The following ABCA1 variants were observed in gnomAD, a reference collection of about 807,000 sequenced individuals.
ABCA1 encodes ATP binding cassette subfamily A member 1, also known as phospholipid-transporting ATPase ABCA1.
ABCA1 carries 133 observed loss-of-function variants against 262.5 expected under a neutral mutation model. The ratio of observed to expected loss-of-function variants is 0.51; its 90% CI spans 0.44 to 0.59. ABCA1 has a LOEUF of 0.59. ABCA1 is among the 20% of genes least tolerant of loss of function. The pLI, the probability that ABCA1 is intolerant of heterozygous loss-of-function variation, is 0.00. For synonymous variants in ABCA1, 1,022 were observed against 1,043.5 expected (o/e 0.98, Z 0.40); for missense variants, 2,452 against 2,777.5 (o/e 0.88, Z 2.63).
Position 104,840,520 on chromosome 9 carries a change from C to A in ABCA1, c.814-1G>T, listed in dbSNP as rs1351142476. 2 of 1,610,336 alleles carry A rather than the reference C, an allele frequency of 1.2e-6. No individual in the cohort carries two copies. Among genetic ancestry groups the A allele is most frequent in the Non-Finnish European group, 1.7e-6 (2 of 1,178,738 alleles). ...CACTCCAGCTTCTCATGCTGAACAG[C>A]TGGCGTCAGGGATGGGGACAGAAAG... is the stretch of plus-strand genomic sequence containing the variant. On this transcript the variant is annotated splice_acceptor_variant, in intron 8 of 49. Transcript: ENST00000374736. LOFTEE classifies it high-confidence loss of function.
At position 104,784,447 on chromosome 9, in the gene ABCA1, C is replaced by A. The variant is rs374793716; in HGVS notation, c.6654G>T (p.Val2218=). The A allele has an allele frequency of 6.2e-7, 1 of 1,614,028 alleles. No individual in the cohort carries two copies. The highest frequency in any genetic ancestry group is 1.1e-5 in the South Asian group (1 of 91,062). Residue 2218 remains valine (V), a synonymous_variant, in exon 50 of 50, where the codon GTG becomes GTT. Transcript: ENST00000374736. ...CATCACTTTGGTCCTTGGCAAAGTT[C>A]ACAAATACCTGTTAAAAGATTAAGA... ...VSQTTLDQVF[V]NFAKDQSDDD...
Position 104,785,583 on chromosome 9 carries a change from T to G in ABCA1, c.6458A>C (p.Lys2153Thr). The G allele has an allele frequency of 6.2e-7, 1 of 1,614,154 alleles. No individual in the cohort carries two copies. Among genetic ancestry groups the G allele is most frequent in the African/African-American group, 1.3e-5 (1 of 75,050 alleles). Residue 2153 changes from lysine (K) to threonine (T), a missense_variant, in exon 49 of 50, where the codon AAG becomes ACG. Lys to Thr is a moderately conservative substitution (Grantham distance 78). Around this residue, in one of 4 missense-constraint regions of ABCA1, gnomAD observed 752 missense variants for 944.5 expected, o/e 0.80. Coordinates refer to ENST00000374736, the MANE Select transcript of ABCA1 (RefSeq NM_005502.4). The stretch of plus-strand genomic sequence containing the variant: ...AAGTCCAAAGAAATCCTGGACAGGC[T>G]TCAGGTCCGGGTTGGACCCTGCTAT... Reference protein sequence around the residue: ...VRIAGSNPDLKPVQDFFGLAF... With the variant: ...VRIAGSNPDLTPVQDFFGLAF...
At chr9:104,842,832 G>A (rs906973244) in intron 8 of ABCA1, among the ~76,000 whole-genome samples, 2 of 151,844 alleles carry the variant, frequency 1.3e-5, no homozygotes, top group Non-Finnish European at 2.9e-5. Context: ...CAAGCCCTCC[G>A]CTGGATTCTC....
In ABCA1 at chr9:104,831,662, C is replaced by T; in HGVS notation, c.1675G>A (p.Asp559Asn). ...PHHVKYKIRM[D>N]IDNVERTNKI... is the part of the protein sequence containing the mutation. ...TTTGTCCTCTCCACATTGTCAATGT[C>T]CATTCGGATCTTGTACTTGACATGA... Residue 559 changes from aspartate to asparagine, a missense_variant, in exon 13 of 50, where the codon GAC becomes AAC. Physicochemically the swap from Asp to Asn is conservative, Grantham distance 23 (BLOSUM62 1). Transcript: ENST00000374736. 1.2e-6 allele frequency: 2 copies of T among 1,614,220 alleles called. No homozygotes were observed. The highest frequency in any genetic ancestry group is 1.7e-6 in the Non-Finnish European group (2 of 1,180,042).
intron 2 of ABCA1, among the ~76,000 whole-genome samples, chr9:104,902,613 T>C (rs1454455405): frequency 6.6e-6 from 1 of 152,244 alleles, no homozygotes; most frequent in Non-Finnish European, 1.5e-5. Flanking sequence ...AAGAAGTTTA[T>C]ACCTACTTTT....
chr9:104,824,756 C>T (rs116604252), intron 17 of ABCA1, among the ~76,000 whole-genome samples, 178 bp from the exon 18 acceptor site: 132 of 152,268 alleles, frequency 8.7e-4, no homozygotes, highest in African/African-American at 3.0e-3. Flanking sequence ...GTACATTCTG[C>T]ACCTCTGTAA....
chr9:104,916,306 C>A (rs1841837826), intron 1 of ABCA1, among the ~76,000 whole-genome samples: 1 of 152,264 alleles, frequency 6.6e-6, no homozygotes, highest in African/African-American at 2.4e-5. Context: ...CTTTAGGAAA[C>A]CCTCAACATT....
intron 16 of ABCA1, 90 bp from the exon 17 acceptor site, chr9:104,825,977 G>T: frequency 7.2e-7 from 1 of 1,381,276 alleles, no homozygotes; most frequent in Non-Finnish European, 1.0e-6. Context: ...GGAGAAATTT[G>T]AATTTGCAAA....
rs1834802746 is a variant in ABCA1, at chr9:104,845,632, A to G, written c.721-63T>C. 1.0e-5 allele frequency: 12 copies of G among 1,165,342 alleles called. No individual in the cohort carries two copies. The South Asian group carries it at 1.5e-4, about 15-fold the overall frequency. 72.2% of individuals were successfully genotyped at this position (1,165,342 alleles called of 1,614,324 possible). ...TGTAAACCTGAAATCTCTATTGGAA[A>G]TAAACAAGTGAATTAAAACTGTTCA... On this transcript the variant is annotated intron_variant, in intron 7 of 49. Transcript: ENST00000374736.
In ABCA1 at chr9:104,831,099, T is replaced by A; in HGVS notation, c.1718A>T (p.Tyr573Phe). ...GTCAGCTCGAGGACCAGGGTCCCAG[T>A]ACCTAAAACCAAACCACAGGTAATC... ...VERTNKIKDG[Y>F]WDPGPRADPF... Residue 573 changes from tyrosine to phenylalanine, a missense_variant and splice_region_variant, in exon 14 of 50, where the codon TAC becomes TTC. Coordinates refer to ENST00000374736, the MANE Select transcript of ABCA1 (RefSeq NM_005502.4). 1 of 1,596,728 alleles carries A rather than the reference T, an allele frequency of 6.3e-7. No individual in the cohort carries two copies. Among genetic ancestry groups the A allele is most frequent in the Non-Finnish European group, 8.5e-7 (1 of 1,176,160 alleles).
At chr9:104,926,805 G>A (rs564802960) in intron 1 of ABCA1, among the ~76,000 whole-genome samples, 2 of 152,188 alleles carry the variant, frequency 1.3e-5, no homozygotes, top group East Asian at 3.9e-4. Flanking sequence ...AAGCTGCCCC[G>A]AGAGACCAGC....
rs751773124 is a variant in ABCA1, at chr9:104,837,562, A to G, written c.1060T>C (p.Tyr354His). 2.5e-6 allele frequency: 4 copies of G among 1,613,988 alleles called. No homozygotes were observed. The African/African-American group carries it at 5.3e-5, about 22-fold the overall frequency. Residue 354 changes from tyrosine to histidine, a missense_variant, in exon 10 of 50, where the codon TAC becomes CAC. Physicochemically the swap from Tyr to His is moderately conservative, Grantham distance 83. Coordinates refer to ENST00000374736, the MANE Select transcript of ABCA1 (RefSeq NM_005502.4). ...ETFYDNSTTP[Y>H]CNDLMKNLES... ...AAATTCTTCATCAAATCATTGCAGTAAGGAGCTATGAAGAAGAGGAGAGAC... is the reference window on the plus strand; with the variant it reads ...AAATTCTTCATCAAATCATTGCAGTGAGGAGCTATGAAGAAGAGGAGAGAC...
rs765833937 is a variant in ABCA1, at chr9:104,799,988, C to A, written c.4774G>T (p.Val1592Leu). Residue 1592 changes from valine to leucine, a missense_variant and splice_region_variant, in exon 36 of 50, where the codon GTG (valine) becomes TTG (leucine). Val to Leu is a conservative substitution (Grantham distance 32). Coordinates refer to ENST00000374736, the MANE Select transcript of ABCA1 (RefSeq NM_005502.4). ...TGCCAGCCCTTGTTATTGAACCACACCTGAAAGAAAACATACCAGGTACAA... is the reference window on the plus strand; with the variant it reads ...TGCCAGCCCTTGTTATTGAACCACAACTGAAAGAAAACATACCAGGTACAA... ...TGLDTKNNVKVWFNNKGWHAI... is the reference protein window; with the variant it reads ...TGLDTKNNVKLWFNNKGWHAI... 4.3e-6 allele frequency: 7 copies of A among 1,614,006 alleles called. No homozygotes were observed. Among genetic ancestry groups the A allele is most frequent in the Non-Finnish European group, 5.9e-6 (7 of 1,180,050 alleles).
At chr9:104,880,347 A>G (rs905432515) in intron 5 of ABCA1, among the ~76,000 whole-genome samples, 1 of 152,050 alleles carries the variant, frequency 6.6e-6, no homozygotes, top group African/African-American at 2.4e-5. Flanking sequence ...CAATCAGCAA[A>G]AAGTTGGCCA....
Position 104,831,071 on chromosome 9 carries a change from G to C in ABCA1, c.1746C>G (p.Pro582=). 6.2e-7 allele frequency: 1 copy of C among 1,611,868 alleles called. No homozygotes were observed. Among genetic ancestry groups the C allele is most frequent in the South Asian group, 1.1e-5 (1 of 90,998 alleles). ...CCCAGACGTACCGCATGTCCTCAAA[G>C]GGGTCAGCTCGAGGACCAGGGTCCC... ...GYWDPGPRAD[P]FEDMRYVWGG... is the part of the protein sequence containing the mutation. The change falls in exon 14 of 50, where the codon CCC becomes CCG. Residue 582 remains proline, a synonymous_variant. Transcript: ENST00000374736.
intron 7 of ABCA1, chr9:104,856,098 CAAA>C (rs771475242): frequency 1.3e-5 from 21 of 1,580,298 alleles, no homozygotes; most frequent in Admixed American, 1.8e-5. Flanking sequence ...TCTACCATCA[CAAA>C]TGTTGAAATT....
chr9:104,906,860 G>C (rs572587341), intron 1 of ABCA1, among the ~76,000 whole-genome samples: 1 of 151,782 alleles, frequency 6.6e-6, no homozygotes, highest in East Asian at 1.9e-4. Context: ...CCAGTTACTG[G>C]CTGGAAAGGA....
At chr9:104,848,436 G>A (rs932253563) in intron 7 of ABCA1, among the ~76,000 whole-genome samples, 2 of 151,974 alleles carry the variant, frequency 1.3e-5, no homozygotes, top group Middle Eastern at 3.2e-3. Context: ...CCAACACGGC[G>A]AAACCCCCTC....
At chr9:104,888,337 T>C (rs1839398423) in intron 3 of ABCA1, among the ~76,000 whole-genome samples, 1 of 152,160 alleles carries the variant, frequency 6.6e-6, no homozygotes, top group African/African-American at 2.4e-5. Context: ...CCCAGCTACG[T>C]AAATGTTGAT....
Sources: allele counts gnomAD v4.1 joint callset (sites outside exome capture counted in the v4.1 genomes callset), GRCh38; gene constraint gnomAD v4.1.1; regional missense constraint gnomAD v4.1.1; transcripts MANE v1.5; gene names NCBI Gene and HGNC (gene_info 2026-07-23, HGNC 2026-07-21).